UCHL5: variants seen among roughly 807,000 people sequenced by gnomAD.
The protein encoded by UCHL5 is ubiquitin C-terminal hydrolase L5.
Under a neutral mutation model 53.8 loss-of-function variants are expected in UCHL5, and 34 were observed. That is an observed-to-expected ratio of 0.63 (90% confidence interval 0.48 to 0.84). The LOEUF is 0.84. Among genes scored for constraint, UCHL5 ranks in the 40% least tolerant of loss-of-function variants. The pLI is 0.00. For missense variants in UCHL5, 290 were observed against 385.6 expected (o/e 0.75, Z 2.08); for synonymous variants, 111 against 126.3 (o/e 0.88, Z 0.81).
Position 193,023,900 on chromosome 1 carries a change from C to T in UCHL5, c.676G>A (p.Asp226Asn). The change falls in exon 8 of 11, where the codon GAC (aspartate) becomes AAC (asparagine). Residue 226 changes from aspartate (D) to asparagine (N), a missense_variant. Asp to Asn is a conservative substitution (Grantham distance 23). Coordinates refer to ENST00000367454, the MANE Select transcript of UCHL5 (RefSeq NM_001199261.3). ...TTCTGCTCATATATCATTTTTCTGT[C>T]AGACACAATGGCCATTAAATTAAAT... ...IRFNLMAIVS[D>N]RKMIYEQKIA... 6.2e-7 allele frequency: 1 copy of T among 1,612,826 alleles called. No homozygotes were observed. Among genetic ancestry groups the T allele is most frequent in the Non-Finnish European group, 8.5e-7 (1 of 1,179,650 alleles).
chr1:193,029,181 A>G lies in UCHL5; in HGVS notation c.563T>C (p.Leu188Ser). ...LDGLREGPIDLGACNQDDWIS... is the reference protein window; with the variant it reads ...LDGLREGPIDSGACNQDDWIS... The stretch of plus-strand genomic sequence containing the variant: ...ATCAGGAACAGGAACTGCATTACCT[A>G]AATCAATCGGTCCTTCTCTTAATCC... Residue 188 changes from leucine to serine, a missense_variant and splice_region_variant, in exon 6 of 11, where the codon TTA becomes TCA. Leu to Ser is a moderately radical substitution (Grantham distance 145). Coordinates refer to ENST00000367454, the MANE Select transcript of UCHL5 (RefSeq NM_001199261.3). 6.2e-7 allele frequency: 1 copy of G among 1,612,202 alleles called. No individual in the cohort carries two copies. Among genetic ancestry groups the G allele is most frequent in the Non-Finnish European group, 8.5e-7 (1 of 1,179,340 alleles).
At chr1:193,018,957 C>A (rs945606346) in intron 10 of UCHL5, 7 of 595,680 alleles carry the variant, frequency 1.2e-5, no homozygotes, top group Non-Finnish European at 1.8e-5. Flanking sequence ...AAAATCTAAT[C>A]TTTATTCTAA....
upstream of UCHL5, chr1:193,059,410 C>A (rs767916160): frequency 1.9e-6 from 3 of 1,610,590 alleles, no homozygotes; most frequent in African/African-American, 4.0e-5. The surrounding 1 kb of genome is among the most constrained non-coding windows in gnomAD (Gnocchi z 4.9). Flanking sequence ...CGGGCGCCGT[C>A]ACCTGCAGCG....
intron 3 of UCHL5, among the ~76,000 whole-genome samples, chr1:193,042,256 T>G (rs1665839683): frequency 6.6e-6 from 1 of 152,120 alleles, no homozygotes; most frequent in Admixed American, 6.5e-5. Flanking sequence ...AGGGTTACAC[T>G]GGATGGAGAG....
At chr1:193,022,163 T>G (rs955164252) in intron 9 of UCHL5, among the ~76,000 whole-genome samples, 114 of 152,256 alleles carry the variant, frequency 7.5e-4, no homozygotes, top group African/African-American at 2.4e-3. Context: ...CCTGCCTGCC[T>G]GCCCCTACCA....
chr1:193,049,982 G>A (rs571800436), intron 2 of UCHL5, 131 bp from the exon 3 acceptor site: 1,000 of 713,256 alleles, frequency 1.4e-3, no homozygotes, highest in Middle Eastern at 2.7e-3. Context: ...ATTTTTAAAA[G>A]ATCACTATTG....
intron 3 of UCHL5, among the ~76,000 whole-genome samples, chr1:193,047,391 A>G (rs1254639473): frequency 2.0e-5 from 3 of 152,138 alleles, no homozygotes; most frequent in Non-Finnish European, 4.4e-5. Context: ...GAAAAAAAAC[A>G]AATGATACAT....
At chr1:193,048,911 A>G (rs563672953) in intron 3 of UCHL5, among the ~76,000 whole-genome samples, 51 of 152,070 alleles carry the variant, frequency 3.4e-4, no homozygotes, top group African/African-American at 1.2e-3. Flanking sequence ...TTTTTTTGAG[A>G]CAGGGTCAAG....
Position 193,059,329 on chromosome 1 carries a change from C to T in UCHL5, c.-69G>A. ...TGCCCCCCGCACCAGCTGCCGCCGGCCACAGATCTCAGCAAACCCGCCGCC... is the reference window on the plus strand; with the variant it reads ...TGCCCCCCGCACCAGCTGCCGCCGGTCACAGATCTCAGCAAACCCGCCGCC... On this transcript the variant is annotated 5_prime_UTR_variant, in exon 1 of 11. Coordinates refer to ENST00000367454, the MANE Select transcript of UCHL5 (RefSeq NM_001199261.3). This position sits in a 1 kb window ranked among gnomAD's most constrained non-coding sequence, Gnocchi z 4.9. The T allele has an allele frequency of 6.2e-7, 1 of 1,607,308 alleles. No homozygotes were observed. The highest frequency in any genetic ancestry group is 8.5e-7 in the Non-Finnish European group (1 of 1,177,078).
At chr1:193,019,462 A>G (rs548644544) in intron 10 of UCHL5, among the ~76,000 whole-genome samples, 3 of 151,854 alleles carry the variant, frequency 2.0e-5, no homozygotes, top group African/African-American at 7.2e-5. Context: ...TAGGAGAATA[A>G]TAGTTATTGC....
chr1:193,041,493 T>C (rs6661522), intron 3 of UCHL5, among the ~76,000 whole-genome samples: 66,707 of 151,988 alleles, frequency 0.44, 15,156 homozygotes, highest in South Asian at 0.57. Context: ...TGTTATAATA[T>C]GTGGCTTTGT....
At chr1:193,046,805 G>A (rs1667485512) in intron 3 of UCHL5, among the ~76,000 whole-genome samples, 1 of 150,198 alleles carries the variant, frequency 6.7e-6, no homozygotes, top group Non-Finnish European at 1.5e-5. Flanking sequence ...TATGTGTTGT[G>A]AAATGAAACA....
At chr1:193,022,840 A>G (rs551712477) in intron 9 of UCHL5, 86 bp downstream of exon 9, 1 of 875,252 alleles carries the variant, frequency 1.1e-6, no homozygotes, top group African/African-American at 1.7e-5. Context: ...ATAGGAGGGA[A>G]AGCCATCAGA....
At chr1:193,026,120 A>C (rs1659132619) in intron 7 of UCHL5, among the ~76,000 whole-genome samples, 1 of 151,954 alleles carries the variant, frequency 6.6e-6, no homozygotes, top group Non-Finnish European at 1.5e-5. Context: ...CCCGTGATCT[A>C]AATGTCATAC....
intron 3 of UCHL5, among the ~76,000 whole-genome samples, chr1:193,044,097 G>A (rs142377908): frequency 6.7e-4 from 102 of 152,252 alleles, no homozygotes; most frequent in African/African-American, 2.1e-3. Flanking sequence ...CTCTACAGTT[G>A]GTGTTCAAAG....
chr1:193,018,726 T>C, intron 10 of UCHL5: 11 of 1,414,450 alleles, frequency 7.8e-6, no homozygotes, highest in Non-Finnish European at 1.0e-5. Context: ...TCCTGTAGAA[T>C]CTCAGCATAT....
chr1:193,048,072 T>A (rs983824888), intron 3 of UCHL5, among the ~76,000 whole-genome samples: 1 of 152,188 alleles, frequency 6.6e-6, no homozygotes, highest in Non-Finnish European at 1.5e-5. Context: ...GATATGCTAG[T>A]TATCTTGAAG....
At chr1:193,040,764 T>C (rs888854586) in intron 3 of UCHL5, among the ~76,000 whole-genome samples, 5 of 152,132 alleles carry the variant, frequency 3.3e-5, no homozygotes, top group Admixed American at 3.3e-4. Context: ...AATGGATGAA[T>C]GGATAAAGAA....
At chr1:193,037,053 C>A (rs933289394) in intron 3 of UCHL5, among the ~76,000 whole-genome samples, 1 of 151,612 alleles carries the variant, frequency 6.6e-6, no homozygotes, top group East Asian at 1.9e-4. Context: ...TAGAAAGACT[C>A]CAAATAAACC....
Sources: allele counts gnomAD v4.1 joint callset (sites outside exome capture counted in the v4.1 genomes callset), GRCh38; gene constraint gnomAD v4.1.1; non-coding constraint Gnocchi (gnomAD v3.1); transcripts MANE v1.5; gene names NCBI Gene and HGNC (gene_info 2026-07-23, HGNC 2026-07-21).